Variants in PAPSS1 observed in about 807,000 individuals in gnomAD.
PAPSS1 encodes the protein bifunctional 3'-phosphoadenosine 5'-phosphosulfate synthase 1.
Under a neutral mutation model 72.0 loss-of-function variants are expected in PAPSS1, and 50 were observed. The observed-to-expected ratio is 0.69, with a 90% confidence interval of 0.55 to 0.88. PAPSS1 has a LOEUF of 0.88. Among genes scored for constraint, PAPSS1 ranks in the 40% least tolerant of loss-of-function variants. PAPSS1 has a pLI of 0.00. For synonymous variants in PAPSS1, 261 were observed against 263.6 expected (o/e 0.99, Z 0.09); for missense variants, 657 against 782.2 (o/e 0.84, Z 1.91).
chr4:107,617,090 G>A (rs1725843579), intron 11 of PAPSS1, among the ~76,000 whole-genome samples: 1 of 151,856 alleles, frequency 6.6e-6, no homozygotes, highest in African/African-American at 2.4e-5. Flanking sequence ...TGAAAGAAGT[G>A]TTATGATTTC....
chr4:107,675,660 G>C (rs566065586), intron 5 of PAPSS1, among the ~76,000 whole-genome samples: 1 of 152,292 alleles, frequency 6.6e-6, no homozygotes, highest in South Asian at 2.1e-4. Flanking sequence ...TAGAAAAAGA[G>C]AGAATCCTCC....
chr4:107,651,214 G>C (rs887763740), intron 9 of PAPSS1, among the ~76,000 whole-genome samples: 11 of 152,160 alleles, frequency 7.2e-5, no homozygotes, highest in Non-Finnish European at 1.2e-4. Context: ...AAGAAGCCAC[G>C]AAAGAAATGT....
At chr4:107,649,444 T>A (rs778621265) in intron 9 of PAPSS1, among the ~76,000 whole-genome samples, 1 of 152,262 alleles carries the variant, frequency 6.6e-6, no homozygotes, top group Non-Finnish European at 1.5e-5. Context: ...CAAATCCTTG[T>A]AGGTTCCCTT....
rs1414058624 is a variant in PAPSS1 at position 107,646,717 on chromosome 4, T to C, written c.1238-1647A>G. ...CCCGTCAAGCCCCTCCCAACCCTGC[T>C]CTCAGGTGCCTGAGGTCACTGAGCA... On this transcript the variant is annotated intron_variant, in intron 9 of 11. Coordinates refer to ENST00000265174, the MANE Select transcript of PAPSS1 (RefSeq NM_005443.5). Among the ~76,000 whole-genome samples, 5 of 152,058 alleles carry C rather than the reference T, an allele frequency of 3.3e-5. No homozygotes were observed. The East Asian group carries it at 9.7e-4, about 29-fold the overall frequency.
intron 7 of PAPSS1, 107 bp downstream of exon 7, chr4:107,656,789 C>G: frequency 6.8e-6 from 5 of 734,882 alleles, no homozygotes; most frequent in South Asian, 1.6e-5. Flanking sequence ...ATAATGCTAC[C>G]TCTATTAAGA....
intron 3 of PAPSS1, among the ~76,000 whole-genome samples, chr4:107,689,509 A>G (rs774217715): frequency 2.6e-5 from 4 of 152,128 alleles, no homozygotes; most frequent in Non-Finnish European, 5.9e-5. Context: ...TACTCACTAC[A>G]TATGATCATA....
chr4:107,680,781 G>A (rs1560582988), intron 5 of PAPSS1, among the ~76,000 whole-genome samples: 2 of 152,118 alleles, frequency 1.3e-5, no homozygotes, highest in African/African-American at 4.8e-5. Context: ...AATAGGATTA[G>A]AATAAGAGTG....
In PAPSS1 at chr4:107,710,998, G is replaced by A. The variant is rs189754718; in HGVS notation, c.60+9122C>T. ...CTGAGTCATTCTGGACGTTTGCCTC[G>A]ACCTATCCTTGACCAAAGCACAGCC... On this transcript the variant is annotated intron_variant, in intron 1 of 11. Coordinates refer to ENST00000265174, the MANE Select transcript of PAPSS1 (RefSeq NM_005443.5). Among the ~76,000 whole-genome samples the A allele has an allele frequency of 1.6e-4, 25 of 152,276 alleles. 1 individual carries two copies. The highest frequency in any genetic ancestry group is 1.2e-3 in the Admixed American group (18 of 15,294).
chr4:107,684,127 C>T (rs1372792780), intron 4 of PAPSS1, among the ~76,000 whole-genome samples: 1 of 152,138 alleles, frequency 6.6e-6, no homozygotes, highest in African/African-American at 2.4e-5. Flanking sequence ...CTGTAAGAGA[C>T]CCAAGAGCAT....
intron 1 of PAPSS1, among the ~76,000 whole-genome samples, chr4:107,703,242 A>C (rs1056460727): frequency 6.6e-6 from 1 of 151,990 alleles, no homozygotes; most frequent in Non-Finnish European, 1.5e-5. Context: ...TTGGCTTCCT[A>C]TTTTGGATAT....
intron 5 of PAPSS1, among the ~76,000 whole-genome samples, chr4:107,676,538 T>C (rs1237257548): frequency 4.6e-5 from 7 of 152,018 alleles, no homozygotes; most frequent in Non-Finnish European, 1.0e-4. Flanking sequence ...TAAAAGAGGA[T>C]ACAAACAAAT....
At chr4:107,687,498 A>C in intron 3 of PAPSS1, among the ~76,000 whole-genome samples, 1 of 152,312 alleles carries the variant, frequency 6.6e-6, no homozygotes, top group South Asian at 2.1e-4. Context: ...TGGTGTCATC[A>C]GGCTTCTCTC....
chr4:107,656,098 G>A (rs1439700102), intron 7 of PAPSS1, among the ~76,000 whole-genome samples: 2 of 151,972 alleles, frequency 1.3e-5, no homozygotes, highest in Admixed American at 1.3e-4. Context: ...TTATATGTTG[G>A]ACATCATTTT....
chr4:107,715,651 T>C (rs1331150251), intron 1 of PAPSS1, among the ~76,000 whole-genome samples: 1 of 152,358 alleles, frequency 6.6e-6, no homozygotes, highest in East Asian at 1.9e-4. Context: ...TTTAATTAAC[T>C]GTCTCCCAGG....
intron 8 of PAPSS1, among the ~76,000 whole-genome samples, chr4:107,654,403 T>G (rs908591161): frequency 6.6e-6 from 1 of 152,194 alleles, no homozygotes; most frequent in African/African-American, 2.4e-5. Flanking sequence ...GATTGTATAC[T>G]CCAAGAGCTG....
At chr4:107,626,893 C>T (rs1485842485) in intron 11 of PAPSS1, among the ~76,000 whole-genome samples, 1 of 152,160 alleles carries the variant, frequency 6.6e-6, no homozygotes, top group African/African-American at 2.4e-5. Flanking sequence ...AGTTTTAAAG[C>T]TTCCCCAGTT....
intron 4 of PAPSS1, among the ~76,000 whole-genome samples, chr4:107,683,719 A>G (rs1390326333): frequency 6.6e-6 from 1 of 152,192 alleles, no homozygotes; most frequent in African/African-American, 2.4e-5. Context: ...AGATTATCAG[A>G]ATGGTTAATA....
At chr4:107,624,436 A>G (rs377507445) in intron 11 of PAPSS1, among the ~76,000 whole-genome samples, 191 of 152,288 alleles carry the variant, frequency 1.3e-3, no homozygotes, top group African/African-American at 4.3e-3. Flanking sequence ...CCTGTTTCCA[A>G]CTATAGTACC....
intron 1 of PAPSS1, chr4:107,719,839 T>C (rs1184820055): frequency 3.0e-6 from 4 of 1,315,880 alleles, no homozygotes; most frequent in Non-Finnish European, 3.9e-6. Context: ...CCTGGGGGTC[T>C]TACCTGAGCG....
Sources: allele counts gnomAD v4.1 joint callset (sites outside exome capture counted in the v4.1 genomes callset), GRCh38; gene constraint gnomAD v4.1.1; transcripts MANE v1.5; gene names NCBI Gene and HGNC (gene_info 2026-07-23, HGNC 2026-07-21).